Variants in MAP3K7CL observed in about 807,000 individuals in gnomAD.
MAP3K7CL encodes MAP3K7 C-terminal like, also known as MAP3K7 C-terminal-like protein.
A neutral mutation model predicts 18.6 loss-of-function variants in MAP3K7CL; 16 were observed. The ratio of observed to expected loss-of-function variants is 0.86; its 90% confidence interval spans 0.58 to 1.31. The LOEUF is 1.31. MAP3K7CL is among the 50% of genes most tolerant of loss of function. The pLI is 0.00. For missense variants in MAP3K7CL, 163 were observed against 174.4 expected (o/e 0.93, Z 0.37); for synonymous variants, 65 against 66.8 (o/e 0.97, Z 0.13).
At chr21:29,102,667 AAG>A (rs2086253739) in intron 4 of MAP3K7CL, 1 of 152,010 alleles carries the variant, frequency 6.6e-6, no homozygotes, top group Non-Finnish European at 1.5e-5. Flanking sequence ...TTAGCCCCAA[AAG>A]GGGGGAGACT....
intron 4 of MAP3K7CL, among the ~76,000 whole-genome samples, chr21:29,123,085 GGAGT>G (rs1273566420): frequency 6.3e-5 from 7 of 111,904 alleles, no homozygotes; most frequent in African/African-American, 2.2e-4. Context: ...TTTTTGAAAT[GGAGT>G]TTTGCTCTTG....
intron 4 of MAP3K7CL, among the ~76,000 whole-genome samples, chr21:29,100,700 CTTTTTTTTTT>C (rs34749282): frequency 4.4e-5 from 3 of 68,650 alleles, no homozygotes; most frequent in African/African-American, 1.3e-4. Flanking sequence ...AAACAGCAAA[CTTTTTTTTTT>C]TTTTTTTTTT....
intron 4 of MAP3K7CL, among the ~76,000 whole-genome samples, chr21:29,170,139 T>C (rs2150402): frequency 0.37 from 56,390 of 152,134 alleles, 12,686 homozygotes; most frequent in Non-Finnish European, 0.5. Flanking sequence ...CAAGGTTTAA[T>C]TATGAATTGC....
intron 2 of MAP3K7CL, among the ~76,000 whole-genome samples, chr21:29,146,692 T>C (rs976624878): frequency 5.9e-5 from 9 of 152,226 alleles, no homozygotes; most frequent in African/African-American, 2.2e-4. Context: ...GGACACCCAT[T>C]GTCTAGCATA....
At chr21:29,156,225 G>A (rs1368201597) in intron 3 of MAP3K7CL, among the ~76,000 whole-genome samples, 1 of 152,080 alleles carries the variant, frequency 6.6e-6, no homozygotes, top group Non-Finnish European at 1.5e-5. Context: ...TCCCAGCATG[G>A]GCTTATAACT....
intron 4 of MAP3K7CL, chr21:29,109,378 G>T: frequency 3.0e-6 from 4 of 1,342,922 alleles, no homozygotes; most frequent in Non-Finnish European, 3.8e-6. Flanking sequence ...TCAACTCCTT[G>T]AAATCAGAGA....
intron 4 of MAP3K7CL, among the ~76,000 whole-genome samples, chr21:29,113,998 G>A (rs2086463806): frequency 6.6e-6 from 1 of 152,144 alleles, no homozygotes; most frequent in South Asian, 2.1e-4. Flanking sequence ...AATCTGGGGT[G>A]CCTTTTCATT....
intron 4 of MAP3K7CL, among the ~76,000 whole-genome samples, chr21:29,116,885 A>G (rs1047267762): frequency 6.6e-6 from 1 of 152,138 alleles, no homozygotes; most frequent in Non-Finnish European, 1.5e-5. Flanking sequence ...TGATTTCCTG[A>G]TATATAAATA....
At chr21:29,109,763 A>C in intron 4 of MAP3K7CL, 1 of 985,642 alleles carries the variant, frequency 1.0e-6, no homozygotes, top group South Asian at 4.7e-5. Context: ...AAATTGTACA[A>C]TGGTCTAATA....
chr21:29,144,020 T>C (rs1365885361), intron 2 of MAP3K7CL, among the ~76,000 whole-genome samples: 2 of 152,182 alleles, frequency 1.3e-5, no homozygotes, highest in African/African-American at 2.4e-5. Context: ...TGCCTTATGA[T>C]TTTGGTGTTG....
rs1222859939 is a variant in MAP3K7CL at position 29,174,832 on chromosome 21, A to G, written c.369A>G (p.Gln123=). Residue 123 remains glutamine (Q), a synonymous_variant, in exon 5 of 5, where the codon CAA becomes CAG. Coordinates refer to ENST00000399928, the MANE Select transcript of MAP3K7CL (RefSeq NM_001286620.2). ...ENRTLRLAQS[Q]CVEQLEKLRI... The stretch of plus-strand genomic sequence containing the variant: ...GGACGTTGAGGTTGGCCCAGTCTCA[A>G]TGTGTGGAACAACTGGAGAAACTTC... The G allele has an allele frequency of 1.3e-5, 21 of 1,614,054 alleles. No individual in the cohort carries two copies. Among genetic ancestry groups the G allele is most frequent in the African/African-American group, 6.7e-5 (5 of 74,926 alleles).
In MAP3K7CL at chr21:29,085,868, A is replaced by C. The variant is rs2085916389; in HGVS notation, c.8A>C (p.Gln3Pro). 1.2e-6 allele frequency: 2 copies of C among 1,614,074 alleles called. No homozygotes were observed. Among genetic ancestry groups the C allele is most frequent in the Admixed American group, 1.7e-5 (1 of 59,996 alleles). The change falls in exon 1 of 7, where the codon CAG becomes CCG. Residue 3 changes from glutamine (Q) to proline (P), a missense_variant. Physicochemically the swap from Gln to Pro is moderately conservative, Grantham distance 76. Transcript: ENST00000286791. ...GTCATGCAAAGCGACTAGATGGTTC[A>C]GCTGATTGCACCTTTAGAAGTTATG... is the stretch of plus-strand genomic sequence containing the variant.
chr21:29,143,296 A>G (rs1319160624), intron 2 of MAP3K7CL, among the ~76,000 whole-genome samples: 1 of 152,086 alleles, frequency 6.6e-6, no homozygotes, highest in Non-Finnish European at 1.5e-5. Flanking sequence ...ATGTCAACAA[A>G]TTCAGTGGAT....
At chr21:29,156,505 A>G (rs2087407861) in intron 3 of MAP3K7CL, among the ~76,000 whole-genome samples, 1 of 152,210 alleles carries the variant, frequency 6.6e-6, no homozygotes, top group African/African-American at 2.4e-5. Flanking sequence ...AATTCTAAGA[A>G]TCGATTTCCT....
At chr21:29,092,552 T>C (rs1468611830) in exon 4 of MAP3K7CL, 3 of 1,614,004 alleles carry the variant, frequency 1.9e-6, no homozygotes, top group Non-Finnish European at 2.5e-6. Flanking sequence ...TCTATTACTG[T>C]GCCCGTGGAA....
At position 29,133,235 on chromosome 21, in the gene MAP3K7CL, TCCAAGGG is replaced by T. The variant is rs2086812927; in HGVS notation, c.-39-68_-39-62del. 1.3e-4 allele frequency: 153 copies of T among 1,165,132 alleles called. 2 individuals are homozygous for T. The South Asian group carries it at 2.2e-3, about 17-fold the overall frequency. The allele number at this position is 1,165,132 out of a possible 1,614,324, so 72.2% of individuals were successfully genotyped here. The stretch of plus-strand genomic sequence containing the variant: ...AACCTTAATAACTTCACCTGTAATT[TCCAAGGG>T]CCTCTGAGTATTTAGGGGGATGATG... On this transcript the variant is annotated intron_variant, in intron 1 of 4. Transcript: ENST00000399928.
At chr21:29,092,308 T>G in intron 3 of MAP3K7CL, 2 of 786,228 alleles carry the variant, frequency 2.5e-6, no homozygotes, top group Non-Finnish European at 3.7e-6. Context: ...TTTAAACCAT[T>G]AACAACCCTC....
chr21:29,078,098 GTAT>G (rs2085778852), intron 1 of MAP3K7CL, among the ~76,000 whole-genome samples: 1 of 151,696 alleles, frequency 6.6e-6, no homozygotes, highest in Admixed American at 6.6e-5. Flanking sequence ...GATTTTTTTT[GTAT>G]TATTATTTAA....
intron 4 of MAP3K7CL, among the ~76,000 whole-genome samples, chr21:29,167,670 C>A (rs1568973788): frequency 6.7e-6 from 1 of 149,706 alleles, no homozygotes. Context: ...GGGACTGTAC[C>A]AAGATCAACC....
Sources: gnomAD v4.1 joint callset for allele counts (sites outside exome capture counted in the v4.1 genomes callset) on GRCh38, gnomAD v4.1.1 for gene constraint, MANE v1.5 for transcripts, NCBI Gene and HGNC (gene_info 2026-07-23, HGNC 2026-07-21) for gene names.